Variants in H1-10 observed in about 807,000 individuals in gnomAD.
H1-10 encodes the protein H1.10 linker histone, also known as histone H1.10.
For synonymous variants in H1-10, 191 were observed against 140.9 expected, an observed-to-expected ratio of 1.36 and a Z score of -2.52; for missense variants, 307 against 297.9, an observed-to-expected ratio of 1.03 and a Z score of -0.22.
In H1-10 at chr3:129,315,188, A is replaced by C. The variant is rs892854184; in HGVS notation, c.*73T>G. 6.2e-5 allele frequency: 77 copies of C among 1,246,256 alleles called. No individual in the cohort carries two copies. The highest frequency in any genetic ancestry group is 7.8e-5 in the Non-Finnish European group (77 of 988,836). The allele number at this position is 1,246,256 out of a possible 1,614,324, so 77.2% of individuals were successfully genotyped here. On this transcript the variant is annotated 3_prime_UTR_variant, in exon 1 of 1. Coordinates refer to ENST00000333762, the MANE Select transcript of H1-10 (RefSeq NM_006026.4). ...CCCCGGCCGGCGTGAGCCGTACAAA[A>C]TCTACGTCACTTGGGGTAGAAAAAC...
chr3:129,315,734 G>A lies in H1-10; in HGVS notation c.169C>T (p.Arg57Cys), dbSNP rs1188592129. ...GAGCCGTTGCGCTCGCCCAGCCTAC[G>A]GATGGTCTCCACCACCAGCTGGCTG... is the stretch of plus-strand genomic sequence containing the variant. ...KYSQLVVETI[R>C]RLGERNGSSL... The change falls in exon 1 of 1, where the codon CGT (arginine) becomes TGT (cysteine). Residue 57 changes from arginine to cysteine, a missense_variant. By Grantham distance (180) the Arg-to-Cys change is radical. Coordinates refer to ENST00000333762, the MANE Select transcript of H1-10 (RefSeq NM_006026.4). 6 of 1,595,196 alleles carry A rather than the reference G, an allele frequency of 3.8e-6. No homozygotes were observed. In the South Asian group the frequency reaches 6.8e-5, roughly 18 times the overall value.
chr3:129,315,203 G>A lies in H1-10; in HGVS notation c.*58C>T. On this transcript the variant is annotated 3_prime_UTR_variant, in exon 1 of 1. Transcript: ENST00000333762. ...GCCGTACAAAATCTACGTCACTTGGGGTAGAAAAACAAAAACACCGAAAAG... is the reference window on the plus strand; with the variant it reads ...GCCGTACAAAATCTACGTCACTTGGAGTAGAAAAACAAAAACACCGAAAAG... 2 of 1,268,630 alleles carry A rather than the reference G, an allele frequency of 1.6e-6. No individual in the cohort carries two copies. The highest frequency in any genetic ancestry group is 2.0e-6 in the Non-Finnish European group (2 of 1,005,492). 78.6% of individuals were successfully genotyped at this position (1,268,630 alleles called of 1,614,324 possible).
Position 129,315,258 on chromosome 3 carries a change from C to A in H1-10, c.*3G>T. The A allele has an allele frequency of 7.2e-7, 1 of 1,382,538 alleles. No individual in the cohort carries two copies. Among genetic ancestry groups the A allele is most frequent in the Non-Finnish European group, 9.3e-7 (1 of 1,069,658 alleles). 85.6% of individuals were successfully genotyped at this position (1,382,538 alleles called of 1,614,324 possible). A position where few individuals can be genotyped will look rare whatever the true frequency, so the allele number is the denominator to read the frequency against. On this transcript the variant is annotated 3_prime_UTR_variant, in exon 1 of 1. Transcript: ENST00000333762. ...CGCCGGCCGCTCTGACCGGCCGACA[C>A]GCTCACTTGCGGCCCTTGGGCACTT...
chr3:129,315,585 C>T lies in H1-10; in HGVS notation c.318G>A (p.Lys106=). Residue 106 remains lysine, a synonymous_variant, in exon 1 of 1, where the codon AAG becomes AAA. Coordinates refer to ENST00000333762, the MANE Select transcript of H1-10 (RefSeq NM_006026.4). ...TGAAGGAACCGTTGGCGCCGGTGCCCTTCACCTGCAGAAGCGTGTCGTTCT... is the reference window on the plus strand; with the variant it reads ...TGAAGGAACCGTTGGCGCCGGTGCCTTTCACCTGCAGAAGCGTGTCGTTCT... ...LVQNDTLLQV[K]GTGANGSFKL... is the part of the protein sequence containing the mutation. 1 of 1,553,838 alleles carries T rather than the reference C, an allele frequency of 6.4e-7. No homozygotes were observed. Among genetic ancestry groups the T allele is most frequent in the East Asian group, 2.4e-5 (1 of 40,972 alleles).
rs756814749 is a variant in H1-10 at position 129,315,674 on chromosome 3, CCTT to C, written c.226_228del (p.Lys76del). The C allele has an allele frequency of 6.3e-7, 1 of 1,589,344 alleles. No individual in the cohort carries two copies. On this transcript the variant is annotated inframe_deletion, in exon 1 of 1. Transcript: ENST00000333762. ...CCATTCTGCTGGTCGAACCACGGAA[CCTT>C]CTTGGCCTCGGTGTAGATCTTGGCC...
In H1-10 at chr3:129,315,624, G is replaced by C; in HGVS notation, c.279C>G (p.Ile93Met). The C allele has an allele frequency of 6.3e-7, 1 of 1,580,048 alleles. No individual in the cohort carries two copies. The highest frequency in any genetic ancestry group is 8.6e-7 in the Non-Finnish European group (1 of 1,164,238). ...GCGTGTCGTTCTGCACCAGCGCCTT[G>C]ATCGAGTACTTGAGGTAGGTGCGCC... The part of the protein sequence containing the change: ...QNGRTYLKYS[I>M]KALVQNDTLL... The change falls in exon 1 of 1, where the codon ATC (isoleucine) becomes ATG (methionine). Residue 93 changes from isoleucine (I) to methionine (M), a missense_variant. Transcript: ENST00000333762.
In H1-10 at chr3:129,315,612, C is replaced by T. The variant is rs1277689702; in HGVS notation, c.291G>A (p.Val97=). ...TCACCTGCAGAAGCGTGTCGTTCTG[C>T]ACCAGCGCCTTGATCGAGTACTTGA... ...TYLKYSIKAL[V]QNDTLLQVKG... The change falls in exon 1 of 1, where the codon GTG becomes GTA. Residue 97 remains valine (V), a synonymous_variant. Transcript: ENST00000333762. The T allele has an allele frequency of 6.4e-7, 1 of 1,570,612 alleles. No individual in the cohort carries two copies. The highest frequency in any genetic ancestry group is 2.4e-5 in the East Asian group (1 of 41,728).
At position 129,315,970 on chromosome 3, in the gene H1-10, A is replaced by T; in HGVS notation, c.-68T>A. On this transcript the variant is annotated 5_prime_UTR_variant, in exon 1 of 1. Transcript: ENST00000333762. ...GGGCCGCGCCGGGAAGAGGAAGGCG[A>T]GGGGCCGAGGGGGTGCAGGGGGGCT... 5.7e-6 allele frequency: 1 copy of T among 176,610 alleles called. No individual in the cohort carries two copies. Among genetic ancestry groups the T allele is most frequent in the Non-Finnish European group, 9.5e-6 (1 of 105,044 alleles). 10.9% of individuals were successfully genotyped at this position (176,610 alleles called of 1,614,324 possible). A position where few individuals can be genotyped will look rare whatever the true frequency, so the allele number is the denominator to read the frequency against.
rs1316349513 is a variant in H1-10, at chr3:129,315,068, C to G, written c.*193G>C. On this transcript the variant is annotated 3_prime_UTR_variant, in exon 1 of 1. Coordinates refer to ENST00000333762, the MANE Select transcript of H1-10 (RefSeq NM_006026.4). The stretch of plus-strand genomic sequence containing the variant: ...GCGTCGCCGGGGCTGTTTCAAAAAC[C>G]TAAAGCAAACAACGAAAAACGCTAC... 2 of 432,644 alleles carry G rather than the reference C, an allele frequency of 4.6e-6. No individual in the cohort carries two copies. Among genetic ancestry groups the G allele is most frequent in the Admixed American group, 4.4e-5 (1 of 22,504 alleles). 26.8% of individuals were successfully genotyped at this position (432,644 alleles called of 1,614,324 possible). A position where few individuals can be genotyped will look rare whatever the true frequency, so the allele number is the denominator to read the frequency against.
Position 129,315,429 on chromosome 3 carries a change from G to A in H1-10, c.474C>T (p.Asp158=). Residue 158 remains aspartate, a synonymous_variant, in exon 1 of 1, where the codon GAC becomes GAT. Coordinates refer to ENST00000333762, the MANE Select transcript of H1-10 (RefSeq NM_006026.4). ...APGAAGSRRA[D]KKPARGQKPE... ...GCTTCTGGCCCCTGGCGGGCTTCTT[G>A]TCCGCGCGCCGGGAGCCGGCCGCGC... 2.0e-6 allele frequency: 3 copies of A among 1,484,376 alleles called. No individual in the cohort carries two copies. Among genetic ancestry groups the A allele is most frequent in the Non-Finnish European group, 2.7e-6 (3 of 1,123,650 alleles). The allele number at this position is 1,484,376 out of a possible 1,614,324, so 92.0% of individuals were successfully genotyped here.
rs1352267055 is a variant in H1-10 at position 129,315,615 on chromosome 3, C to T, written c.288G>A (p.Leu96=). ...RTYLKYSIKA[L]VQNDTLLQVK... Reference sequence around the variant, plus strand: ...CCTGCAGAAGCGTGTCGTTCTGCACCAGCGCCTTGATCGAGTACTTGAGGT... The same window carrying T: ...CCTGCAGAAGCGTGTCGTTCTGCACTAGCGCCTTGATCGAGTACTTGAGGT... The change falls in exon 1 of 1, where the codon CTG becomes CTA. Residue 96 remains leucine (L), a synonymous_variant. Coordinates refer to ENST00000333762, the MANE Select transcript of H1-10 (RefSeq NM_006026.4). 6.4e-7 allele frequency: 1 copy of T among 1,573,362 alleles called. No homozygotes were observed. Among genetic ancestry groups the T allele is most frequent in the Non-Finnish European group, 8.6e-7 (1 of 1,160,736 alleles).
At position 129,315,379 on chromosome 3, in the gene H1-10, C is replaced by A. The variant is rs983675876; in HGVS notation, c.524G>T (p.Gly175Val). Residue 175 changes from glycine to valine, a missense_variant, in exon 1 of 1, where the codon GGC becomes GTC. Physicochemically the swap from Gly to Val is moderately radical, Grantham distance 109 (BLOSUM62 -3). Coordinates refer to ENST00000333762, the MANE Select transcript of H1-10 (RefSeq NM_006026.4). ...GCCTTTGTCCTTCTTGGCGCCAGCG[C>A]CCTTCTTGTGCGAGCGCTGCTCCGG... ...QKPEQRSHKKGAGAKKDKGGK... is the reference protein window; with the variant it reads ...QKPEQRSHKKVAGAKKDKGGK... 7.8e-6 allele frequency: 12 copies of A among 1,544,844 alleles called. No individual in the cohort carries two copies. Among genetic ancestry groups the A allele is most frequent in the Middle Eastern group, 1.9e-4 (1 of 5,252 alleles).
Position 129,315,326 on chromosome 3 carries a change from C to T in H1-10, c.577G>A (p.Gly193Arg), listed in dbSNP as rs1235523434. Reference sequence around the variant, plus strand: ...GCCGCCTTCTTCACCTTCTTGCCCCCGGCGGCCGCCGTCTTCTTGGCCTTG... The same window carrying T: ...GCCGCCTTCTTCACCTTCTTGCCCCTGGCGGCCGCCGTCTTCTTGGCCTTG... ...GGKAKKTAAA[G>R]GKKVKKAAKP... The change falls in exon 1 of 1, where the codon GGG becomes AGG. Residue 193 changes from glycine (G) to arginine (R), a missense_variant. By Grantham distance (125) the Gly-to-Arg change is moderately radical (BLOSUM62 -2). Transcript: ENST00000333762. 1 of 1,514,872 alleles carries T rather than the reference C, an allele frequency of 6.6e-7. No individual in the cohort carries two copies. Among genetic ancestry groups the T allele is most frequent in the Non-Finnish European group, 8.8e-7 (1 of 1,135,366 alleles). The allele number at this position is 1,514,872 out of a possible 1,614,324, so 93.8% of individuals were successfully genotyped here.
rs1325201270 is a variant in H1-10 at position 129,316,102 on chromosome 3, C to G, written c.-200G>C. 3.2e-5 allele frequency: 5 copies of G among 154,762 alleles called. No individual in the cohort carries two copies. The highest frequency in any genetic ancestry group is 1.2e-4 in the African/African-American group (5 of 40,024). 9.6% of individuals were successfully genotyped at this position (154,762 alleles called of 1,614,324 possible). A position where few individuals can be genotyped will look rare whatever the true frequency, so the allele number is the denominator to read the frequency against. ...GGGCCGGAGCGAGGGTTGGGGGGCC[C>G]GGAGCCGGGGCCGGACTAGGGGACC... On this transcript the variant is annotated 5_prime_UTR_variant, in exon 1 of 1. Coordinates refer to ENST00000333762, the MANE Select transcript of H1-10 (RefSeq NM_006026.4).
Position 129,315,121 on chromosome 3 carries a change from G to A in H1-10, c.*140C>T. The A allele has an allele frequency of 3.2e-6, 2 of 619,804 alleles. No individual in the cohort carries two copies. The highest frequency in any genetic ancestry group is 4.9e-4 in the Middle Eastern group (1 of 2,024). The allele number at this position is 619,804 out of a possible 1,614,324, so 38.4% of individuals were successfully genotyped here. A position where few individuals can be genotyped will look rare whatever the true frequency, so the allele number is the denominator to read the frequency against. On this transcript the variant is annotated 3_prime_UTR_variant, in exon 1 of 1. Transcript: ENST00000333762. ...CGTTGGGGGAGGGGAAAGACTGAGA[G>A]GACCCGGGGCCCCTCCCTGAGGCTC...
Position 129,315,670 on chromosome 3 carries a change from G to A in H1-10, c.233C>T (p.Pro78Leu), listed in dbSNP as rs1193694596. 5 of 1,590,334 alleles carry A rather than the reference G, an allele frequency of 3.1e-6. No homozygotes were observed. Among genetic ancestry groups the A allele is most frequent in the African/African-American group, 1.3e-5 (1 of 74,182 alleles). Residue 78 changes from proline to leucine, a missense_variant, in exon 1 of 1, where the codon CCG becomes CTG. By Grantham distance (98) the Pro-to-Leu change is moderately conservative. Transcript: ENST00000333762. Reference protein sequence around the residue: ...AKIYTEAKKVPWFDQQNGRTY... With the variant: ...AKIYTEAKKVLWFDQQNGRTY... Reference sequence around the variant, plus strand: ...GCGCCCATTCTGCTGGTCGAACCACGGAACCTTCTTGGCCTCGGTGTAGAT... The same window carrying A: ...GCGCCCATTCTGCTGGTCGAACCACAGAACCTTCTTGGCCTCGGTGTAGAT...
In H1-10 at chr3:129,315,661, T is replaced by C; in HGVS notation, c.242A>G (p.Asp81Gly). ...YTEAKKVPWFDQQNGRTYLKY... is the reference protein window; with the variant it reads ...YTEAKKVPWFGQQNGRTYLKY... ...GAGGTAGGTGCGCCCATTCTGCTGG[T>C]CGAACCACGGAACCTTCTTGGCCTC... The change falls in exon 1 of 1, where the codon GAC becomes GGC. Residue 81 changes from aspartate to glycine, a missense_variant. Transcript: ENST00000333762. 1 of 1,590,118 alleles carries C rather than the reference T, an allele frequency of 6.3e-7. No individual in the cohort carries two copies. Among genetic ancestry groups the C allele is most frequent in the Non-Finnish European group, 8.5e-7 (1 of 1,169,866 alleles).
rs541322886 is a variant in H1-10 at position 129,315,896 on chromosome 3, C to T, written c.7G>A (p.Val3Met). The T allele has an allele frequency of 5.1e-6, 8 of 1,577,182 alleles. No individual in the cohort carries two copies. The highest frequency in any genetic ancestry group is 4.6e-5 in the South Asian group (4 of 87,666). ...ACTGGCAGGGCCTCCTCGAGCTCCA[C>T]GGACATGGTAGCAAGAGGATTGGTG... MS[V>M]ELEEALPVTT... Residue 3 changes from valine (V) to methionine (M), a missense_variant, in exon 1 of 1, where the codon GTG becomes ATG. Val to Met is a conservative substitution (Grantham distance 21). Coordinates refer to ENST00000333762, the MANE Select transcript of H1-10 (RefSeq NM_006026.4).
In H1-10 at chr3:129,315,309, C is replaced by T. The variant is rs1439724848; in HGVS notation, c.594G>A (p.Lys198=). The T allele has an allele frequency of 6.7e-7, 1 of 1,494,976 alleles. No homozygotes were observed. Among genetic ancestry groups the T allele is most frequent in the Admixed American group, 2.1e-5 (1 of 48,398 alleles). 92.6% of individuals were successfully genotyped at this position (1,494,976 alleles called of 1,614,324 possible). A position where few individuals can be genotyped will look rare whatever the true frequency, so the allele number is the denominator to read the frequency against. Residue 198 remains lysine, a synonymous_variant, in exon 1 of 1, where the codon AAG becomes AAA. Coordinates refer to ENST00000333762, the MANE Select transcript of H1-10 (RefSeq NM_006026.4). ...TGGGGACGCTGGGCTTGGCCGCCTT[C>T]TTCACCTTCTTGCCCCCGGCGGCCG... ...KTAAAGGKKV[K]KAAKPSVPKV...
Sources: gnomAD v4.1 joint callset for allele counts on GRCh38, gnomAD v4.1.1 for gene constraint, MANE v1.5 for transcripts, NCBI Gene and HGNC (gene_info 2026-07-23, HGNC 2026-07-21) for gene names.